SCAPER: variants seen among roughly 807,000 people sequenced by gnomAD.
SCAPER encodes S phase cyclin A-associated protein in the endoplasmic reticulum.
In SCAPER, 98 loss-of-function variants were observed where a neutral mutation model predicts 182.2. The observed-to-expected ratio is 0.54, with a 90% CI of 0.46 to 0.64. The LOEUF is 0.64. Among genes scored for constraint, SCAPER ranks in the 30% least tolerant of loss-of-function variants. SCAPER has a pLI of 0.00. For missense variants in SCAPER, 1,432 were observed against 1,690.0 expected (o/e 0.85, Z 2.68); for synonymous variants, 605 against 564.6 (o/e 1.07, Z -1.01).
At chr15:76,529,581 T>C (rs1236027514) in intron 23 of SCAPER, among the ~76,000 whole-genome samples, 2 of 152,120 alleles carry the variant, frequency 1.3e-5, no homozygotes, top group Non-Finnish European at 2.9e-5. Context: ...AATAGCGTGG[T>C]AAGAGAAGGC....
At chr15:76,386,040 C>T (rs1175320348) in intron 27 of SCAPER, among the ~76,000 whole-genome samples, 3 of 152,188 alleles carry the variant, frequency 2.0e-5, no homozygotes, top group Non-Finnish European at 4.4e-5. Flanking sequence ...TTGGCTTTTC[C>T]ACCTTCTAGA....
intron 26 of SCAPER, among the ~76,000 whole-genome samples, chr15:76,420,875 G>T (rs2142337637): frequency 6.6e-6 from 1 of 152,224 alleles, no homozygotes; most frequent in East Asian, 1.9e-4. Context: ...GCGGTGTTTG[G>T]TTTTTTGTCT....
At chr15:76,786,244 TTGAACCCAAGAGGCAGAGG>T (rs2064593300) in intron 8 of SCAPER, among the ~76,000 whole-genome samples, 1 of 150,440 alleles carries the variant, frequency 6.6e-6, no homozygotes, top group East Asian at 2.0e-4. Flanking sequence ...GGAGAATCAC[TTGAACCCAAGAGGCAGAGG>T]TTGCAGTGAG....
At chr15:76,631,904 C>T (rs1229633730) in intron 21 of SCAPER, among the ~76,000 whole-genome samples, 1 of 152,172 alleles carries the variant, frequency 6.6e-6, no homozygotes, top group Non-Finnish European at 1.5e-5. Context: ...CCATTCTCCC[C>T]ATCTCTTTCA....
intron 4 of SCAPER, among the ~76,000 whole-genome samples, chr15:76,856,705 C>G (rs879913409): frequency 4.6e-5 from 7 of 151,364 alleles, no homozygotes; most frequent in Non-Finnish European, 8.8e-5. Context: ...AATAATTGTC[C>G]AAAAAATCAA....
intron 20 of SCAPER, among the ~76,000 whole-genome samples, chr15:76,668,507 C>A (rs1000616994): frequency 1.3e-5 from 2 of 152,138 alleles, no homozygotes; most frequent in African/African-American, 4.8e-5. Context: ...TTGTTGTTCC[C>A]CACATTCATC....
intron 17 of SCAPER, among the ~76,000 whole-genome samples, chr15:76,720,074 C>T (rs1321321892): frequency 1.4e-5 from 2 of 147,120 alleles, no homozygotes; most frequent in African/African-American, 5.0e-5. Context: ...TGCTATACTT[C>T]CCCCCTCCCC....
chr15:76,397,307 T>C (rs1186858466), intron 27 of SCAPER, among the ~76,000 whole-genome samples: 1 of 152,120 alleles, frequency 6.6e-6, no homozygotes, highest in East Asian at 1.9e-4. Context: ...TCTCTGATTT[T>C]GACATCAGAG....
intron 29 of SCAPER, among the ~76,000 whole-genome samples, chr15:76,368,787 T>G (rs1232931693): frequency 6.6e-6 from 1 of 152,230 alleles, no homozygotes; most frequent in Admixed American, 6.5e-5. Flanking sequence ...AAGGTGCATA[T>G]TCCCAATATA....
At position 76,647,117 on chromosome 15, in the gene SCAPER, CAGA is replaced by C. The variant is rs529788862; in HGVS notation, c.2645+18533_2645+18535del. Among the ~76,000 whole-genome samples, 174 of 152,226 alleles carry C rather than the reference CAGA, an allele frequency of 1.1e-3. 2 individuals are homozygous for C. Among genetic ancestry groups the C allele is most frequent in the Middle Eastern group, 3.4e-3 (1 of 294 alleles). ...ATTTTTACTGGACACCTACCATGTGCAGAAAACTAAAAACAAAAATCCTCTTGA... is the reference window on the plus strand; with the variant it reads ...ATTTTTACTGGACACCTACCATGTGCAAACTAAAAACAAAAATCCTCTTGA... On this transcript the variant is annotated intron_variant, in intron 21 of 31. Coordinates refer to ENST00000563290, the MANE Select transcript of SCAPER (RefSeq NM_020843.4).
intron 20 of SCAPER, among the ~76,000 whole-genome samples, chr15:76,699,150 C>A: frequency 6.6e-6 from 1 of 152,244 alleles, no homozygotes; most frequent in East Asian, 1.9e-4. Flanking sequence ...TTTATCAGAT[C>A]TAGGAGCTCT....
chr15:76,652,272 AAATATATAT>A (rs1450825900), intron 21 of SCAPER, among the ~76,000 whole-genome samples: 279 of 15,690 alleles, frequency 0.018, 1 homozygote, highest in Middle Eastern at 0.043. Context: ...AAAAAAAAAA[AAATATATAT>A]ATATATATAT....
intron 5 of SCAPER, among the ~76,000 whole-genome samples, chr15:76,816,970 TATC>T (rs1207641030): frequency 6.6e-6 from 1 of 152,222 alleles, no homozygotes; most frequent in African/African-American, 2.4e-5. Context: ...CATAATTTAT[TATC>T]ATCATCATCA....
At chr15:76,460,588 T>G (rs564753786) in intron 25 of SCAPER, among the ~76,000 whole-genome samples, 1 of 152,262 alleles carries the variant, frequency 6.6e-6, no homozygotes, top group African/African-American at 2.4e-5. Flanking sequence ...TAGCCACTAT[T>G]TTTTACAAAA....
intron 21 of SCAPER, among the ~76,000 whole-genome samples, chr15:76,658,233 A>G (rs1315074793): frequency 1.3e-5 from 2 of 152,168 alleles, no homozygotes; most frequent in Admixed American, 1.3e-4. Context: ...ATATAAAATC[A>G]ATGTACAAAA....
At chr15:76,861,183 T>C (rs966225260) in intron 3 of SCAPER, among the ~76,000 whole-genome samples, 3 of 152,186 alleles carry the variant, frequency 2.0e-5, no homozygotes, top group African/African-American at 7.2e-5. Context: ...GGATTATCAA[T>C]AGAAGCTAAA....
Position 76,803,625 on chromosome 15 carries a change from C to T in SCAPER, c.494+908G>A, listed in dbSNP as rs116659179. Among the ~76,000 whole-genome samples the T allele has an allele frequency of 8.1e-3, 1,235 of 152,276 alleles. 13 individuals are homozygous for T. The highest frequency in any genetic ancestry group is 0.028 in the African/African-American group (1,171 of 41,562). Reference sequence around the variant, plus strand: ...AAAATCAAGGTGCCAGCAGATTCAACGTCTGATATGAGCCCTGTTCCTTAT... The same window carrying T: ...AAAATCAAGGTGCCAGCAGATTCAATGTCTGATATGAGCCCTGTTCCTTAT... On this transcript the variant is annotated intron_variant, in intron 6 of 31. Coordinates refer to ENST00000563290, the MANE Select transcript of SCAPER (RefSeq NM_020843.4).
intron 24 of SCAPER, among the ~76,000 whole-genome samples, chr15:76,485,679 A>C (rs576227789): frequency 1.3e-5 from 2 of 152,300 alleles, no homozygotes; most frequent in South Asian, 4.1e-4. Context: ...GCTGGTACAA[A>C]AACAGACACA....
At chr15:76,741,377 A>G (rs1400553184) in intron 15 of SCAPER, among the ~76,000 whole-genome samples, 2 of 152,118 alleles carry the variant, frequency 1.3e-5, no homozygotes, top group Non-Finnish European at 2.9e-5. Flanking sequence ...ATACAATATA[A>G]TATTAAAGAA....
Sources: gnomAD v4.1 joint callset for allele counts (sites outside exome capture counted in the v4.1 genomes callset) on GRCh38, gnomAD v4.1.1 for gene constraint, MANE v1.5 for transcripts, NCBI Gene and HGNC (gene_info 2026-07-23, HGNC 2026-07-21) for gene names.